Variants in SMIM35 observed in about 807,000 individuals in gnomAD.
SMIM35 encodes TMPRSS4 antisense RNA 1 (non-protein coding).
At chr11:118,069,190 C>G (rs1267852371) in intron 1 of SMIM35, among the ~76,000 whole-genome samples, 2 of 152,234 alleles carry the variant, frequency 1.3e-5, no homozygotes, top group African/African-American at 2.4e-5. Context: ...CGGGCCACCC[C>G]CTCAGTTCCC....
intron 1 of SMIM35, among the ~76,000 whole-genome samples, chr11:118,025,045 C>G (rs2058263817): frequency 6.6e-6 from 1 of 152,110 alleles, no homozygotes; most frequent in Non-Finnish European, 1.5e-5. Flanking sequence ...TGGTGTTAAT[C>G]TACGTAGGAT....
chr11:118,061,114 C>T lies in SMIM35; in HGVS notation c.7+25637G>A, dbSNP rs749758678. 7.9e-5 allele frequency among the ~76,000 whole-genome samples: 12 copies of T among 152,340 alleles called. No individual in the cohort carries two copies. In the East Asian group the frequency reaches 1.9e-3, roughly 25 times the overall value. On this transcript the variant is annotated intron_variant, in intron 1 of 4. Transcript: ENST00000689828. ...GCTTGTTCCAAAACGGGACACCTTG[C>T]ACTGCCACTCGTGACAGACACATGA...
chr11:118,065,483 G>A (rs7114711), intron 1 of SMIM35, among the ~76,000 whole-genome samples: 3,263 of 152,250 alleles, frequency 0.021, 52 homozygotes, highest in African/African-American at 0.05. Context: ...CACACCTTCC[G>A]TCGCTGGCCA....
chr11:118,046,250 C>A (rs1944095465), intron 1 of SMIM35, among the ~76,000 whole-genome samples: 1 of 152,178 alleles, frequency 6.6e-6, no homozygotes, highest in African/African-American at 2.4e-5. Flanking sequence ...GAAACAGCCC[C>A]TGACAGATCA....
At chr11:118,029,616 C>T (rs1035290599) in intron 1 of SMIM35, 2 of 456,810 alleles carry the variant, frequency 4.4e-6, no homozygotes, top group Admixed American at 2.3e-5. Context: ...TCACTGTCAG[C>T]ATCACCCAGT....
chr11:118,024,009 C>T (rs1049497808), intron 1 of SMIM35, among the ~76,000 whole-genome samples: 29 of 142,030 alleles, frequency 2.0e-4, no homozygotes, highest in African/African-American at 6.5e-4. Context: ...AGTGAGATGC[C>T]TTCTCCAAAA....
intron 1 of SMIM35, among the ~76,000 whole-genome samples, chr11:118,078,715 A>G (rs1944887267): frequency 6.6e-6 from 1 of 152,228 alleles, no homozygotes; most frequent in East Asian, 1.9e-4. Flanking sequence ...GGAGCAACAG[A>G]GAAGGGAATC....
chr11:118,081,328 G>T (rs934544399), intron 1 of SMIM35, among the ~76,000 whole-genome samples: 2 of 152,216 alleles, frequency 1.3e-5, no homozygotes, highest in African/African-American at 2.4e-5. Flanking sequence ...TGGTGATAGG[G>T]AAGGGGAAGA....
At chr11:118,028,847 AAGG>A in intron 1 of SMIM35, 1 of 451,500 alleles carries the variant, frequency 2.2e-6, no homozygotes. Context: ...GGAGAAGAAA[AAGG>A]AGGAGGAAGA....
chr11:118,057,154 C>T (rs952234162), intron 1 of SMIM35, among the ~76,000 whole-genome samples: 12 of 152,110 alleles, frequency 7.9e-5, no homozygotes, highest in Middle Eastern at 3.2e-3. Context: ...ACACTGAAGG[C>T]GCAGAAGGAA....
At chr11:118,055,652 T>G (rs1944299303) in intron 1 of SMIM35, among the ~76,000 whole-genome samples, 1 of 152,198 alleles carries the variant, frequency 6.6e-6, no homozygotes. Flanking sequence ...CAATTCATTC[T>G]CATCCTCCTC....
At chr11:118,016,804 C>G (rs2058186749) in intron 1 of SMIM35, among the ~76,000 whole-genome samples, 1 of 152,140 alleles carries the variant, frequency 6.6e-6, no homozygotes, top group Admixed American at 6.5e-5. Flanking sequence ...GTAGAGAGCA[C>G]TTAGGAGAGG....
intron 1 of SMIM35, among the ~76,000 whole-genome samples, chr11:118,055,548 C>T (rs917857307): frequency 4.6e-5 from 7 of 152,290 alleles, no homozygotes; most frequent in Non-Finnish European, 2.9e-5. Flanking sequence ...ATGTCTTCTC[C>T]TGGGGTCCCC....
At chr11:118,070,269 C>T (rs973180072) in intron 1 of SMIM35, among the ~76,000 whole-genome samples, 4 of 152,254 alleles carry the variant, frequency 2.6e-5, no homozygotes, top group South Asian at 2.1e-4. Context: ...CTCCGCCTCC[C>T]GGGTTCAAGT....
intron 1 of SMIM35, among the ~76,000 whole-genome samples, chr11:118,051,375 G>A (rs925708584): frequency 6.6e-6 from 1 of 152,202 alleles, no homozygotes; most frequent in African/African-American, 2.4e-5. Context: ...ATGAGGACAA[G>A]GCCATGCCTG....
intron 1 of SMIM35, among the ~76,000 whole-genome samples, chr11:118,080,417 C>G (rs1264006585): frequency 6.6e-6 from 1 of 152,174 alleles, no homozygotes; most frequent in East Asian, 1.9e-4. Context: ...GGAGCTGCAC[C>G]TGCCGAGGTG....
At chr11:118,012,954 T>G (rs573097387) in intron 4 of SMIM35, among the ~76,000 whole-genome samples, 4 of 152,310 alleles carry the variant, frequency 2.6e-5, no homozygotes, top group African/African-American at 7.2e-5. Flanking sequence ...TGGACTGCAC[T>G]GGGCAGGGCT....
At chr11:118,041,179 G>A (rs1943994124) in intron 1 of SMIM35, among the ~76,000 whole-genome samples, 1 of 152,018 alleles carries the variant, frequency 6.6e-6, no homozygotes, top group South Asian at 2.1e-4. Flanking sequence ...AAAACTGGCA[G>A]AAATGAAGGG....
intron 1 of SMIM35, among the ~76,000 whole-genome samples, chr11:118,036,916 A>C (rs2058363574): frequency 5.3e-5 from 8 of 152,120 alleles, no homozygotes; most frequent in Admixed American, 5.2e-4. Context: ...CTGTGCTCTC[A>C]GGCAATAGAT....
Sources: gnomAD v4.1 joint callset for allele counts (sites outside exome capture counted in the v4.1 genomes callset) on GRCh38, gnomAD v4.1.1 for gene constraint, MANE v1.5 for transcripts, NCBI Gene and HGNC (gene_info 2026-07-23, HGNC 2026-07-21) for gene names.